Variants in CELA2B observed in about 807,000 individuals in gnomAD.
CELA2B encodes chymotrypsin-like elastase family member 2B.
A neutral mutation model predicts 36.5 loss-of-function variants in CELA2B; 27 were observed. The ratio of observed to expected loss-of-function variants is 0.74; its 90% CI spans 0.55 to 1.02. CELA2B has a LOEUF of 1.02. Among genes scored for constraint, CELA2B ranks in the 50% least tolerant of loss-of-function variants. CELA2B has a pLI of 0.00. For missense variants in CELA2B, 340 were observed against 347.8 expected (o/e 0.98, Z 0.18); for synonymous variants, 143 against 148.5 (o/e 0.96, Z 0.27).
In CELA2B at chr1:15,482,404, A is replaced by T; in HGVS notation, c.356+11A>T. On this transcript the variant is annotated intron_variant, in intron 4 of 7. Transcript: ENST00000375910. ...CCAGGTCTCCAAAGGGTTCGTTTCT[A>T]TCTGGGTGCACTTGGGGGTGAGGTT... 2 of 1,613,730 alleles carry T rather than the reference A, an allele frequency of 1.2e-6. No individual in the cohort carries two copies. The highest frequency in any genetic ancestry group is 1.7e-6 in the Non-Finnish European group (2 of 1,179,778).
chr1:15,479,698 C>T (rs962622893), intron 2 of CELA2B, among the ~76,000 whole-genome samples: 16 of 152,258 alleles, frequency 1.1e-4, no homozygotes, highest in Admixed American at 1.0e-3. Flanking sequence ...TGAGCGTGCA[C>T]GCATGTGTGT....
In CELA2B at chr1:15,490,258, A is replaced by ATCTATCTATC. The variant is rs769929989; in HGVS notation, c.793-1036_793-1035insCTATCTATCT. Among the ~76,000 whole-genome samples, 130 of 142,890 alleles carry ATCTATCTATC rather than the reference A, an allele frequency of 9.1e-4. 1 individual carries two copies. Among genetic ancestry groups the ATCTATCTATC allele is most frequent in the East Asian group, 3.2e-3 (14 of 4,360 alleles). The allele number at this position is 142,890 out of a possible 152,430, so 93.7% of individuals were successfully genotyped here. A position where few individuals can be genotyped will look rare whatever the true frequency, so the allele number is the denominator to read the frequency against. ...TATCTATCTATCTATCTATCTATCT[A>ATCTATCTATC]TATACACACACACACACATAGACAC... On this transcript the variant is annotated intron_variant, in intron 7 of 7. Transcript: ENST00000375910.
chr1:15,484,441 T>A (rs1260909774), intron 5 of CELA2B, among the ~76,000 whole-genome samples: 3 of 152,208 alleles, frequency 2.0e-5, no homozygotes, highest in Non-Finnish European at 4.4e-5. Flanking sequence ...CATTTTTTCC[T>A]AATGACATAA....
chr1:15,491,176 T>C (rs1194748585), intron 7 of CELA2B, 119 bp from the exon 8 acceptor site: 1 of 1,103,714 alleles, frequency 9.1e-7, no homozygotes, highest in Non-Finnish European at 1.4e-6. Context: ...GCTACTGTAG[T>C]GTGGGCTGCC....
chr1:15,478,565 A>ATT (rs71002905), intron 2 of CELA2B, among the ~76,000 whole-genome samples: 17 of 125,260 alleles, frequency 1.4e-4, no homozygotes, highest in African/African-American at 4.8e-4. Context: ...ATTTTAATGC[A>ATT]TTTTTTTTTT....
chr1:15,481,546 G>A (rs1570808552), intron 3 of CELA2B: 1 of 514,804 alleles, frequency 1.9e-6, no homozygotes, highest in East Asian at 5.3e-5. Context: ...ATCACCTGCA[G>A]AAAATGGAGT....
intron 7 of CELA2B, among the ~76,000 whole-genome samples, chr1:15,489,370 G>A (rs1708844005): frequency 6.6e-6 from 1 of 152,250 alleles, no homozygotes; most frequent in African/African-American, 2.4e-5. Context: ...CAGAGGCCCT[G>A]TGTTCATGGG....
At chr1:15,485,599 A>G (rs1245225603) in intron 5 of CELA2B, among the ~76,000 whole-genome samples, 14 of 152,230 alleles carry the variant, frequency 9.2e-5, no homozygotes, top group Non-Finnish European at 2.1e-4. Flanking sequence ...AGAAAATGTC[A>G]GCCATTGACA....
At chr1:15,489,428 G>C (rs1708845098) in intron 7 of CELA2B, among the ~76,000 whole-genome samples, 1 of 152,208 alleles carries the variant, frequency 6.6e-6, no homozygotes, top group Non-Finnish European at 1.5e-5. Context: ...TTTCAGAAGG[G>C]GGAGAGCCAA....
chr1:15,481,209 C>T lies in CELA2B; in HGVS notation c.227+14C>T. The T allele has an allele frequency of 1.2e-6, 2 of 1,614,180 alleles. No individual in the cohort carries two copies. The highest frequency in any genetic ancestry group is 1.7e-6 in the Non-Finnish European group (2 of 1,180,000). On this transcript the variant is annotated intron_variant, in intron 3 of 7. Transcript: ENST00000375910. ...CCACTGCATCAGGTAACTGCCATTC[C>T]CTGGGCGCTTGGCCTGCTCACCAGC...
intron 7 of CELA2B, among the ~76,000 whole-genome samples, chr1:15,488,351 C>A (rs1297738773): frequency 6.6e-6 from 1 of 152,142 alleles, no homozygotes; most frequent in Non-Finnish European, 1.5e-5. Flanking sequence ...CGCACCACTG[C>A]ACTGCAGCCT....
chr1:15,488,899 T>C (rs1050519907), intron 7 of CELA2B, among the ~76,000 whole-genome samples: 1 of 152,210 alleles, frequency 6.6e-6, no homozygotes, highest in African/African-American at 2.4e-5. Flanking sequence ...GGCATCCTTT[T>C]GCCAACAAGT....
chr1:15,483,929 CA>C (rs111370462), intron 5 of CELA2B, among the ~76,000 whole-genome samples: 36,655 of 137,916 alleles, frequency 0.27, 5,063 homozygotes, highest in African/African-American at 0.4. Context: ...ACTCCATCTC[CA>C]AAAAAAAAAA....
chr1:15,482,124 A>C, intron 3 of CELA2B, 141 bp from the exon 4 acceptor site: 1 of 936,978 alleles, frequency 1.1e-6, no homozygotes, highest in East Asian at 2.5e-5. Flanking sequence ...TATGATAACT[A>C]ACTGACTGTC....
chr1:15,479,356 C>A (rs1570807218), intron 2 of CELA2B, among the ~76,000 whole-genome samples: 1 of 151,904 alleles, frequency 6.6e-6, no homozygotes, highest in Non-Finnish European at 1.5e-5. Flanking sequence ...ACCAGCCTGG[C>A]CAACATGGTG....
chr1:15,484,497 C>T (rs1288674763), intron 5 of CELA2B, among the ~76,000 whole-genome samples: 1 of 152,210 alleles, frequency 6.6e-6, no homozygotes, highest in Non-Finnish European at 1.5e-5. Flanking sequence ...CATCCACATA[C>T]GTACCCTCAA....
chr1:15,481,324 C>T (rs994825093), intron 3 of CELA2B, 129 bp downstream of exon 3: 2 of 1,099,670 alleles, frequency 1.8e-6, no homozygotes, highest in African/African-American at 3.1e-5. Flanking sequence ...GGCCGAGACA[C>T]AAGCTGTAGT....
chr1:15,480,466 A>G (rs899746110), intron 2 of CELA2B, among the ~76,000 whole-genome samples: 14 of 152,174 alleles, frequency 9.2e-5, no homozygotes, highest in African/African-American at 3.1e-4. Flanking sequence ...TAATTTATAA[A>G]GGAAAGAGGT....
At chr1:15,478,041 G>A (rs1157418677) in intron 2 of CELA2B, among the ~76,000 whole-genome samples, 2 of 152,100 alleles carry the variant, frequency 1.3e-5, no homozygotes, top group Non-Finnish European at 2.9e-5. Flanking sequence ...GCTCAGGCCT[G>A]TAATCCCAGC....
Sources: allele counts gnomAD v4.1 joint callset (sites outside exome capture counted in the v4.1 genomes callset), GRCh38; gene constraint gnomAD v4.1.1; transcripts MANE v1.5; gene names NCBI Gene and HGNC (gene_info 2026-07-23, HGNC 2026-07-21).